GAK: variants seen among roughly 807,000 people sequenced by gnomAD.
The protein encoded by GAK is cyclin G associated kinase.
In GAK, 79 loss-of-function variants were observed where a neutral mutation model predicts 143.9. That is an observed-to-expected ratio of 0.55 (90% CI 0.46 to 0.66). GAK has a LOEUF of 0.66. Ranked by LOEUF, GAK falls within the 30% of genes least tolerant of loss-of-function variation. GAK has a pLI of 0.00. For synonymous variants in GAK, 881 were observed against 765.5 expected (o/e 1.15, Z -2.49); for missense variants, 1,693 against 1,779.7 (o/e 0.95, Z 0.88).
intron 1 of GAK, among the ~76,000 whole-genome samples, chr4:922,773 C>T (rs557016198): frequency 2.0e-5 from 3 of 152,296 alleles, no homozygotes; most frequent in Non-Finnish European, 4.4e-5. Context: ...CACATAATTA[C>T]CACACATGAA....
chr4:928,902 T>C (rs1219157059), intron 1 of GAK, among the ~76,000 whole-genome samples: 1 of 152,180 alleles, frequency 6.6e-6, no homozygotes. Context: ...TAGCTGGGAC[T>C]ACAGGCATGT....
intron 1 of GAK, among the ~76,000 whole-genome samples, chr4:922,639 T>C (rs1724091183): frequency 6.6e-6 from 1 of 152,086 alleles, no homozygotes; most frequent in Non-Finnish European, 1.5e-5. Flanking sequence ...GAATTTCTAC[T>C]GCTCCCCACT....
In GAK at chr4:868,829, G is replaced by A. The variant is rs146186171; in HGVS notation, c.2249-144C>T. On this transcript the variant is annotated intron_variant, in intron 19 of 27. Transcript: ENST00000314167. ...CGGTAAAGCAGACCAATGACATGAC[G>A]GGGAGGGGCTCTCTGAACAGATTCC... is the stretch of plus-strand genomic sequence containing the variant. 1.2e-3 allele frequency: 945 copies of A among 771,358 alleles called. 4 individuals carry two copies. In the African/African-American group the frequency reaches 0.015, roughly 12 times the overall value. The allele number at this position is 771,358 out of a possible 1,614,324, so 47.8% of individuals were successfully genotyped here.
chr4:849,558 G>C lies in GAK; in HGVS notation c.*115C>G, dbSNP rs1368063597. The C allele has an allele frequency of 8.1e-6, 6 of 740,352 alleles. No individual in the cohort carries two copies. The highest frequency in any genetic ancestry group is 1.2e-5 in the Non-Finnish European group (5 of 431,928). 45.9% of individuals were successfully genotyped at this position (740,352 alleles called of 1,614,324 possible). A position where few individuals can be genotyped will look rare whatever the true frequency, so the allele number is the denominator to read the frequency against. ...TGGGCGGGCGGTGACCCGGGGCTCGGAGCCCCACCCTGGCCACACCTGCTG... is the reference window on the plus strand; with the variant it reads ...TGGGCGGGCGGTGACCCGGGGCTCGCAGCCCCACCCTGGCCACACCTGCTG... On this transcript the variant is annotated 3_prime_UTR_variant, in exon 28 of 28. Transcript: ENST00000314167.
At chr4:857,814 T>C (rs773580847) in intron 24 of GAK, among the ~76,000 whole-genome samples, 1 of 152,178 alleles carries the variant, frequency 6.6e-6, no homozygotes, top group African/African-American at 2.4e-5. Flanking sequence ...CTCCCTTTTT[T>C]TCCCCCCAAA....
chr4:865,316 C>A, intron 22 of GAK, 72 bp from the exon 23 acceptor site: 1 of 1,597,614 alleles, frequency 6.3e-7, no homozygotes. Context: ...GGGCGCCAGG[C>A]TGTGCTCAGG....
chr4:859,565 A>C, intron 24 of GAK, 41 bp downstream of exon 24: 1 of 1,586,884 alleles, frequency 6.3e-7, no homozygotes, highest in Non-Finnish European at 8.6e-7. Flanking sequence ...ACCTCCTACA[A>C]GGAAACAGCT....
At chr4:871,026 C>T (rs1712483150) in intron 18 of GAK, 122 bp from the exon 19 acceptor site, 7 of 849,312 alleles carry the variant, frequency 8.2e-6, no homozygotes, top group Non-Finnish European at 1.2e-5. Flanking sequence ...GCGAGAACAA[C>T]CAGGGCAGCC....
chr4:857,568 C>T (rs530562691), intron 24 of GAK, among the ~76,000 whole-genome samples: 5 of 152,266 alleles, frequency 3.3e-5, no homozygotes, highest in South Asian at 2.1e-4. Context: ...ATCAATTTCA[C>T]GTAAGTCGTC....
chr4:907,681 C>A (rs1318457496), intron 4 of GAK, among the ~76,000 whole-genome samples: 1 of 152,214 alleles, frequency 6.6e-6, no homozygotes, highest in Non-Finnish European at 1.5e-5. Flanking sequence ...CCGGGCACAT[C>A]CCCGGAGCCC....
At chr4:901,766 G>A (rs1206850657) in intron 5 of GAK, among the ~76,000 whole-genome samples, 1 of 152,242 alleles carries the variant, frequency 6.6e-6, no homozygotes, top group Non-Finnish European at 1.5e-5. Context: ...GCAGTGGCGG[G>A]GAGCCAAGGA....
intron 4 of GAK, among the ~76,000 whole-genome samples, chr4:906,303 C>T (rs1318161221): frequency 6.6e-6 from 1 of 152,198 alleles, no homozygotes; most frequent in Non-Finnish European, 1.5e-5. Flanking sequence ...TAAGTGAACA[C>T]TCAGTGTCCT....
chr4:884,685 G>A (rs1038086496), intron 11 of GAK, among the ~76,000 whole-genome samples: 16 of 152,242 alleles, frequency 1.1e-4, no homozygotes, highest in Non-Finnish European at 1.9e-4. Context: ...AACTCTGCAA[G>A]GACCCTGACA....
At position 893,448 on chromosome 4, in the gene GAK, C is replaced by T. The variant is rs1004678742; in HGVS notation, c.919G>A (p.Ala307Thr). 5.0e-6 allele frequency: 8 copies of T among 1,591,990 alleles called. No individual in the cohort carries two copies. Among genetic ancestry groups the T allele is most frequent in the East Asian group, 2.3e-5 (1 of 43,878 alleles). The change falls in exon 9 of 28, where the codon GCC (alanine) becomes ACC (threonine). Residue 307 changes from alanine to threonine, a missense_variant. Ala to Thr is a moderately conservative substitution (Grantham distance 58, BLOSUM62 0). Coordinates refer to ENST00000314167, the MANE Select transcript of GAK (RefSeq NM_005255.4). ...QVNPEERLSIAEVVHQLQEIA... is the reference protein window; with the variant it reads ...QVNPEERLSITEVVHQLQEIA... ...TCCTGCAGCTGGTGCACCACCTCGG[C>T]GATGGACAGCCGCTCCTCCGGGTTC... is the stretch of plus-strand genomic sequence containing the variant.
chr4:871,728 C>T (rs1251101752), intron 18 of GAK, among the ~76,000 whole-genome samples: 2 of 151,906 alleles, frequency 1.3e-5, no homozygotes, highest in Non-Finnish European at 2.9e-5. Context: ...TCAGCAGGGC[C>T]CGCCTTGGGG....
chr4:852,310 G>C, intron 24 of GAK: 1 of 377,578 alleles, frequency 2.6e-6, no homozygotes, highest in Admixed American at 4.4e-5. Flanking sequence ...TCACCCCCAG[G>C]AGCCAAGGCA....
In GAK at chr4:849,285, A is replaced by C; in HGVS notation, c.*388T>G. The C allele has an allele frequency of 5.0e-6, 1 of 198,160 alleles. No individual in the cohort carries two copies. The highest frequency in any genetic ancestry group is 5.2e-5 in the Admixed American group (1 of 19,050). The allele number at this position is 198,160 out of a possible 1,614,324, so 12.3% of individuals were successfully genotyped here. ...CACTGGAGACACAGCAGTCATCGGA[A>C]AATAGTTTAATTCTGTACAGACAAC... On this transcript the variant is annotated 3_prime_UTR_variant, in exon 28 of 28. Coordinates refer to ENST00000314167, the MANE Select transcript of GAK (RefSeq NM_005255.4).
chr4:912,401 A>T, intron 3 of GAK: 1 of 375,970 alleles, frequency 2.7e-6, no homozygotes, highest in South Asian at 2.2e-5. Context: ...GCTCTCAGCC[A>T]GGTCTCCGGA....
rs371610483 is a variant in GAK at position 883,366 on chromosome 4, G to A, written c.1353C>T (p.Ala451=). ...AGGTCCTCGGGGACAGGTTGTAGAC[G>A]GCATAGTGCCCTGGGTGCTTGGAGT... ...FLDSKHPGHY[A]VYNLSPRTYR... is the part of the protein sequence containing the mutation. Residue 451 remains alanine, a synonymous_variant, in exon 13 of 28, where the codon GCC becomes GCT. Coordinates refer to ENST00000314167, the MANE Select transcript of GAK (RefSeq NM_005255.4). 1.5e-5 allele frequency: 25 copies of A among 1,613,598 alleles called. No individual in the cohort carries two copies. The African/African-American group carries it at 1.9e-4, about 12-fold the overall frequency.
Sources: allele counts gnomAD v4.1 joint callset (sites outside exome capture counted in the v4.1 genomes callset), GRCh38; gene constraint gnomAD v4.1.1; transcripts MANE v1.5; gene names NCBI Gene and HGNC (gene_info 2026-07-23, HGNC 2026-07-21).